Variants in SAMD5 observed in about 807,000 individuals in gnomAD.
SAMD5 encodes sterile alpha motif domain-containing protein 5.
A neutral mutation model predicts 11.3 loss-of-function variants in SAMD5; 13 were observed. The observed-to-expected ratio is 1.15, with a 90% CI of 0.75 to 1.83. SAMD5 has a LOEUF of 1.83. SAMD5 is among the 40% of genes most tolerant of loss of function. SAMD5 has a pLI of 0.00. For missense variants in SAMD5, 255 were observed against 239.1 expected (o/e 1.07, Z -0.44); for synonymous variants, 129 against 111.3 (o/e 1.16, Z -1.00).
At chr6:147,531,245 GA>G (rs1788426521) in intron 1 of SAMD5, among the ~76,000 whole-genome samples, 1 of 150,978 alleles carries the variant, frequency 6.6e-6, no homozygotes, top group Non-Finnish European at 1.5e-5. Context: ...TGATGTTTTA[GA>G]AAAATATTTT....
the SAMD5 span, among the ~76,000 whole-genome samples, chr6:147,849,731 G>A: frequency 2.0e-4 from 31 of 152,188 alleles, no homozygotes; most frequent in African/African-American, 6.5e-4. Context: ...CACAATCACC[G>A]TCTCCTCTAA....
At chr6:147,858,257 T>C in the SAMD5 span, among the ~76,000 whole-genome samples, 1 of 152,252 alleles carries the variant, frequency 6.6e-6, no homozygotes, top group Non-Finnish European at 1.5e-5. Flanking sequence ...TAGCAGCACT[T>C]TGTTAATAGA....
intron 1 of SAMD5, among the ~76,000 whole-genome samples, chr6:147,548,004 A>G (rs1367386398): frequency 6.6e-6 from 1 of 152,256 alleles, no homozygotes; most frequent in African/African-American, 2.4e-5. Context: ...AAATACTTAA[A>G]GAGCAACTTA....
chr6:147,841,278 C>G, the SAMD5 span, among the ~76,000 whole-genome samples: 1 of 152,172 alleles, frequency 6.6e-6, no homozygotes, highest in Non-Finnish European at 1.5e-5. Flanking sequence ...TATCCAGATT[C>G]AGTGCCCTGC....
chr6:147,875,047 T>C, the SAMD5 span, among the ~76,000 whole-genome samples: 2 of 152,132 alleles, frequency 1.3e-5, no homozygotes, highest in East Asian at 1.9e-4. Context: ...TTACTTACCT[T>C]TTAAGTTTGT....
At chr6:147,547,157 C>T (rs973210410) in intron 1 of SAMD5, among the ~76,000 whole-genome samples, 1 of 152,102 alleles carries the variant, frequency 6.6e-6, no homozygotes, top group Non-Finnish European at 1.5e-5. Flanking sequence ...AACAGAACAC[C>T]TCGGTTGATA....
chr6:147,948,166 A>C, the SAMD5 span, among the ~76,000 whole-genome samples: 1 of 152,162 alleles, frequency 6.6e-6, no homozygotes, highest in East Asian at 1.9e-4. Context: ...TTCCTTCTAT[A>C]AATTAGTGAC....
chr6:147,814,997 G>T, the SAMD5 span, among the ~76,000 whole-genome samples: 1 of 152,176 alleles, frequency 6.6e-6, no homozygotes, highest in Non-Finnish European at 1.5e-5. Context: ...TAGGACAGGG[G>T]CCAGGCTTTG....
the SAMD5 span, among the ~76,000 whole-genome samples, chr6:147,803,243 C>T: frequency 4.2e-5 from 6 of 144,302 alleles, no homozygotes; most frequent in East Asian, 2.1e-4. Flanking sequence ...TATGTTTCTT[C>T]GTTGATTCTC....
chr6:147,952,239 G>T, the SAMD5 span, among the ~76,000 whole-genome samples: 16 of 152,120 alleles, frequency 1.1e-4, no homozygotes, highest in African/African-American at 3.6e-4. Flanking sequence ...CAGTCAGTTT[G>T]CTATGCAGTA....
chr6:147,944,124 C>A, the SAMD5 span, among the ~76,000 whole-genome samples: 2 of 152,196 alleles, frequency 1.3e-5, no homozygotes, highest in Non-Finnish European at 2.9e-5. Context: ...TTCCCTCCCC[C>A]TCTCTCACTC....
At chr6:147,939,790 G>A in the SAMD5 span, among the ~76,000 whole-genome samples, 1 of 151,436 alleles carries the variant, frequency 6.6e-6, no homozygotes, top group Non-Finnish European at 1.5e-5. Context: ...TTTGCCTCAG[G>A]TTCTATGAGA....
chr6:147,524,419 G>GC (rs1554230494), intron 1 of SAMD5, among the ~76,000 whole-genome samples: 1 of 148,522 alleles, frequency 6.7e-6, no homozygotes, highest in Non-Finnish European at 1.5e-5. Flanking sequence ...TTTTGTTTTT[G>GC]TTGTTTTTTT....
At chr6:147,770,934 TA>T in the SAMD5 span, among the ~76,000 whole-genome samples, 1,471 of 152,312 alleles carry the variant, frequency 9.7e-3, 24 homozygotes, top group African/African-American at 0.034. Flanking sequence ...ACAGAGATGA[TA>T]AAAACCTGGA....
chr6:147,706,033 C>T (rs1358737245), intron 1 of SAMD5, among the ~76,000 whole-genome samples: 1 of 151,952 alleles, frequency 6.6e-6, no homozygotes, highest in East Asian at 1.9e-4. Context: ...AATTATGTAT[C>T]ATATTCCTTT....
chr6:147,682,646 T>C (rs150698168), intron 1 of SAMD5, among the ~76,000 whole-genome samples: 1 of 152,326 alleles, frequency 6.6e-6, no homozygotes, highest in Non-Finnish European at 1.5e-5. Flanking sequence ...AAAATCAAAA[T>C]TATAGGCTGG....
intron 1 of SAMD5, among the ~76,000 whole-genome samples, chr6:147,523,998 C>T (rs750403817): frequency 6.6e-6 from 1 of 152,148 alleles, no homozygotes; most frequent in Non-Finnish European, 1.5e-5. Context: ...CTCTTTGAGA[C>T]CTACTTCATT....
the SAMD5 span, among the ~76,000 whole-genome samples, chr6:147,830,044 G>C: frequency 6.6e-6 from 1 of 152,004 alleles, no homozygotes; most frequent in African/African-American, 2.4e-5. Flanking sequence ...CCAGATGTTG[G>C]GTGGAGAGTG....
the SAMD5 span, among the ~76,000 whole-genome samples, chr6:147,754,983 G>A: frequency 5.6e-4 from 85 of 152,222 alleles, no homozygotes; most frequent in Non-Finnish European, 5.7e-4. Context: ...ATAATTTGAA[G>A]TCAGGTACTG....
Sources: gnomAD v4.1 joint callset for allele counts (sites outside exome capture counted in the v4.1 genomes callset) on GRCh38, gnomAD v4.1.1 for gene constraint, MANE v1.5 for transcripts, NCBI Gene and HGNC (gene_info 2026-07-23, HGNC 2026-07-21) for gene names.